Variants in MARK4 observed in about 807,000 individuals in gnomAD.
MARK4 encodes the protein MAP/microtubule affinity-regulating kinase 4.
MARK4 carries 19 observed loss-of-function variants against 81.5 expected under a neutral mutation model. The ratio of observed to expected loss-of-function variants is 0.23; its 90% CI spans 0.16 to 0.34. MARK4 has a LOEUF of 0.34. MARK4 is among the 10% of genes least tolerant of loss of function. MARK4 has a pLI of 1.00. For missense variants in MARK4, 772 were observed against 1,058.8 expected (o/e 0.73, Z 3.76); for synonymous variants, 436 against 439.0 (o/e 0.99, Z 0.08).
intron 7 of MARK4, among the ~76,000 whole-genome samples, chr19:45,267,417 A>G (rs966815797): frequency 1.3e-5 from 2 of 152,168 alleles, no homozygotes; most frequent in African/African-American, 2.4e-5. Context: ...AAGGGACTCA[A>G]CGGGGCTCCA....
chr19:45,277,868 TG>T, intron 8 of MARK4, 54 bp from the exon 9 acceptor site: 13 of 1,366,874 alleles, frequency 9.5e-6, no homozygotes, highest in African/African-American at 1.7e-5. Context: ...TGTGTGTGTG[TG>T]TAATAGGTGG....
At chr19:45,272,065 C>T (rs537543663) in intron 8 of MARK4, among the ~76,000 whole-genome samples, 3 of 152,322 alleles carry the variant, frequency 2.0e-5, no homozygotes, top group Admixed American at 6.5e-5. Context: ...GGTGCGGTGG[C>T]TCATGCCTAT....
At chr19:45,284,265 C>T (rs555476751) in intron 12 of MARK4, among the ~76,000 whole-genome samples, 2 of 152,244 alleles carry the variant, frequency 1.3e-5, no homozygotes, top group Admixed American at 1.3e-4. Flanking sequence ...GCCTCGGCCT[C>T]CCAAAGTGCT....
Position 45,258,209 on chromosome 19 carries a change from A to G in MARK4, c.52-780A>G, listed in dbSNP as rs1029586790. Among the ~76,000 whole-genome samples, 15 of 145,494 alleles carry G rather than the reference A, an allele frequency of 1.0e-4. No individual in the cohort carries two copies. In the East Asian group the frequency reaches 2.7e-3, roughly 27 times the overall value. ...ACCATATTGGCCAGGCTGGTCTCGA[A>G]CTCCTGACCTCATGATCCACCCACC... On this transcript the variant is annotated intron_variant, in intron 1 of 16. Transcript: ENST00000262891.
chr19:45,296,215 A>G (rs989837906), intron 14 of MARK4, among the ~76,000 whole-genome samples: 2 of 152,196 alleles, frequency 1.3e-5, no homozygotes, highest in African/African-American at 4.8e-5. Flanking sequence ...GACTCAGACA[A>G]AAAAAATCAA....
intron 1 of MARK4, chr19:45,258,780 C>G: frequency 1.7e-6 from 1 of 578,162 alleles, no homozygotes; most frequent in Non-Finnish European, 3.0e-6. Context: ...GCCTGGGGCC[C>G]TGAATGTTGC....
Position 45,294,317 on chromosome 19 carries a change from C to G in MARK4, c.1495-32C>G, listed in dbSNP as rs1000864982. On this transcript the variant is annotated intron_variant, in intron 13 of 16. Transcript: ENST00000262891. ...GAAGCTCAGGGGCATGTCTTCACCC[C>G]CTCACTCCCTTCCTGGCTGTGTCTC... 1.4e-5 allele frequency: 22 copies of G among 1,602,092 alleles called. No homozygotes were observed. In the African/African-American group the frequency reaches 2.4e-4, roughly 18 times the overall value.
intron 16 of MARK4, 59 bp downstream of exon 16, chr19:45,299,914 G>T: frequency 6.5e-7 from 1 of 1,530,022 alleles, no homozygotes; most frequent in Non-Finnish European, 8.9e-7. Flanking sequence ...AGCACCTCCC[G>T]ACACTTACCC....
At chr19:45,259,337 C>A in intron 2 of MARK4, 148 bp downstream of exon 2, 1 of 841,088 alleles carries the variant, frequency 1.2e-6, no homozygotes, top group Non-Finnish European at 1.8e-6. Flanking sequence ...CACAATATCT[C>A]TGATGTTCCC....
Position 45,302,284 on chromosome 19 carries a change from G to A in MARK4, c.1923-90G>A, listed in dbSNP as rs890011051. The A allele has an allele frequency of 1.0e-5, 16 of 1,588,566 alleles. No homozygotes were observed. The highest frequency in any genetic ancestry group is 1.4e-5 in the Non-Finnish European group (16 of 1,165,744). On this transcript the variant is annotated intron_variant, in intron 16 of 16. Transcript: ENST00000262891. This position sits in a 1 kb window ranked among gnomAD's most constrained non-coding sequence, Gnocchi z 4.9. ...GTTTTTTGAGGGGATGGCTAGGAATGTGTCCCGAATTGGGAAGAGTTGTCC... is the reference window on the plus strand; with the variant it reads ...GTTTTTTGAGGGGATGGCTAGGAATATGTCCCGAATTGGGAAGAGTTGTCC...
At chr19:45,264,025 A>G (rs1381991583) in intron 4 of MARK4, among the ~76,000 whole-genome samples, 1 of 152,124 alleles carries the variant, frequency 6.6e-6, no homozygotes, top group African/African-American at 2.4e-5. Context: ...AGGGGTCTTT[A>G]GTGAGAGAAG....
At chr19:45,298,302 G>T in intron 15 of MARK4, 1 of 1,465,822 alleles carries the variant, frequency 6.8e-7, no homozygotes, top group Non-Finnish European at 9.5e-7. Flanking sequence ...GGCATTGGGA[G>T]GGGGCTCTGT....
intron 13 of MARK4, among the ~76,000 whole-genome samples, chr19:45,290,728 A>C (rs1970809712): frequency 6.6e-6 from 1 of 152,220 alleles, no homozygotes; most frequent in African/African-American, 2.4e-5. Flanking sequence ...CATGACCAGC[A>C]GTAGCCAGCA....
intron 4 of MARK4, 36 bp from the exon 5 acceptor site, chr19:45,264,648 C>G: frequency 6.2e-7 from 1 of 1,602,826 alleles, no homozygotes; most frequent in South Asian, 1.1e-5. Context: ...GGGGCCCTTT[C>G]TCCCTAATGC....
chr19:45,295,130 A>G (rs1970869752), intron 14 of MARK4, among the ~76,000 whole-genome samples: 1 of 151,794 alleles, frequency 6.6e-6, no homozygotes, highest in Non-Finnish European at 1.5e-5. Flanking sequence ...CAGGTGGATC[A>G]AGAAGTCAGG....
intron 8 of MARK4, among the ~76,000 whole-genome samples, chr19:45,272,467 A>G (rs1970541470): frequency 6.6e-6 from 1 of 152,252 alleles, no homozygotes; most frequent in Non-Finnish European, 1.5e-5. Flanking sequence ...TGAAATGTCC[A>G]GAATAGGCAA....
chr19:45,295,862 T>G (rs1970880561), intron 14 of MARK4, among the ~76,000 whole-genome samples: 1 of 152,204 alleles, frequency 6.6e-6, no homozygotes, highest in Non-Finnish European at 1.5e-5. Flanking sequence ...TACCTGGCAC[T>G]GGGTCTGATG....
At chr19:45,278,467 G>A (rs770765363) in intron 9 of MARK4, 49 bp from the exon 10 acceptor site, 11 of 1,519,152 alleles carry the variant, frequency 7.2e-6, no homozygotes, top group Admixed American at 5.0e-5. Flanking sequence ...ATGATTTCTG[G>A]TTCCTTCTGA....
At chr19:45,272,521 G>T (rs180741783) in intron 8 of MARK4, among the ~76,000 whole-genome samples, 25 of 152,262 alleles carry the variant, frequency 1.6e-4, no homozygotes, top group East Asian at 3.9e-4. Context: ...CTGAGGCTGG[G>T]GGGGAGGAGC....
Sources: gnomAD v4.1 joint callset for allele counts (sites outside exome capture counted in the v4.1 genomes callset) on GRCh38, gnomAD v4.1.1 for gene constraint, Gnocchi (gnomAD v3.1) non-coding constraint, MANE v1.5 for transcripts, NCBI Gene and HGNC (gene_info 2026-07-23, HGNC 2026-07-21) for gene names.